Variants in ADGRB3 observed in about 807,000 individuals in gnomAD.
ADGRB3 encodes brain-specific angiogenesis inhibitor 3.
A neutral mutation model predicts 193.4 loss-of-function variants in ADGRB3; 37 were observed. That is an observed-to-expected ratio of 0.19 (90% confidence interval 0.15 to 0.25). ADGRB3 has a LOEUF of 0.25. ADGRB3 is among the 10% of genes least tolerant of loss of function. The probability of loss-of-function intolerance (pLI) is 1.00; values close to 1 mark genes in which losing one functional copy is unlikely to be tolerated. For synonymous variants in ADGRB3, 690 were observed against 644.2 expected (o/e 1.07, Z -1.08); for missense variants, 1,637 against 1,852.9 (o/e 0.88, Z 2.14).
At chr6:68,723,687 A>C (rs1765624387) in intron 3 of ADGRB3, among the ~76,000 whole-genome samples, 1 of 151,738 alleles carries the variant, frequency 6.6e-6, no homozygotes, top group South Asian at 2.1e-4. Flanking sequence ...AATACGACGT[A>C]TAGTTTCAAA....
chr6:69,372,106 G>T (rs947938534), intron 29 of ADGRB3, among the ~76,000 whole-genome samples: 5 of 151,906 alleles, frequency 3.3e-5, no homozygotes, highest in Admixed American at 3.3e-4. Context: ...GTTTTCATAG[G>T]AACATTTTCT....
At chr6:69,271,273 A>G (rs1767169683) in intron 20 of ADGRB3, among the ~76,000 whole-genome samples, 1 of 152,162 alleles carries the variant, frequency 6.6e-6, no homozygotes, top group Admixed American at 6.5e-5. Context: ...AGATGGATAT[A>G]TATAAGATAT....
At chr6:68,804,841 A>G (rs1232590209) in intron 3 of ADGRB3, among the ~76,000 whole-genome samples, 3 of 152,104 alleles carry the variant, frequency 2.0e-5, no homozygotes, top group Non-Finnish European at 4.4e-5. Context: ...AATTCAATTA[A>G]TGCTTGTTAG....
chr6:68,694,649 T>A (rs1765128571), intron 3 of ADGRB3, among the ~76,000 whole-genome samples: 2 of 151,992 alleles, frequency 1.3e-5, no homozygotes, highest in South Asian at 4.1e-4. Flanking sequence ...TCCCTTAAAC[T>A]CTGGTGCTCT....
chr6:68,705,582 A>G (rs926939900), intron 3 of ADGRB3, among the ~76,000 whole-genome samples: 2 of 152,200 alleles, frequency 1.3e-5, no homozygotes, highest in Non-Finnish European at 2.9e-5. Flanking sequence ...CACCTTCAGA[A>G]CCAGATGGAC....
chr6:69,275,735 G>A (rs1767288267), intron 20 of ADGRB3, among the ~76,000 whole-genome samples: 1 of 151,654 alleles, frequency 6.6e-6, no homozygotes, highest in Admixed American at 6.6e-5. Flanking sequence ...CCCAGTACTA[G>A]GTATAATTCT....
chr6:69,202,421 T>C (rs1031392828), intron 17 of ADGRB3, among the ~76,000 whole-genome samples: 1 of 152,130 alleles, frequency 6.6e-6, no homozygotes, highest in Non-Finnish European at 1.5e-5. Flanking sequence ...TTATTATAAA[T>C]TCTACATTCC....
intron 17 of ADGRB3, among the ~76,000 whole-genome samples, chr6:69,220,867 G>A (rs1487172735): frequency 6.6e-6 from 1 of 152,132 alleles, no homozygotes; most frequent in South Asian, 2.1e-4. Context: ...GAAATGGAAT[G>A]ATGCATTCTT....
chr6:68,880,897 G>T (rs986279833), intron 3 of ADGRB3, among the ~76,000 whole-genome samples: 1 of 151,908 alleles, frequency 6.6e-6, no homozygotes. Context: ...AAGAGGCCAA[G>T]GAATATAAAG....
intron 6 of ADGRB3, among the ~76,000 whole-genome samples, chr6:68,946,666 A>G (rs1767782590): frequency 1.3e-5 from 2 of 152,134 alleles, no homozygotes; most frequent in Admixed American, 1.3e-4. Context: ...CAGAAGAAAC[A>G]TGTAAAACCA....
chr6:69,305,469 A>G (rs1268746240), intron 20 of ADGRB3, among the ~76,000 whole-genome samples: 1 of 151,572 alleles, frequency 6.6e-6, no homozygotes, highest in Non-Finnish European at 1.5e-5. Context: ...CCCATCTGCT[A>G]TGAAGGAGAT....
intron 13 of ADGRB3, among the ~76,000 whole-genome samples, chr6:69,040,308 T>TCTTC (rs1554251206): frequency 3.6e-4 from 4 of 11,138 alleles, no homozygotes; most frequent in Non-Finnish European, 6.3e-4. Context: ...TTTCTCTGTC[T>TCTTC]CTTTCTTTCT....
intron 17 of ADGRB3, among the ~76,000 whole-genome samples, chr6:69,158,292 T>C (rs927975939): frequency 6.6e-6 from 1 of 152,100 alleles, no homozygotes; most frequent in Non-Finnish European, 1.5e-5. Context: ...TGTTAAATTG[T>C]ATTAAATAGC....
intron 17 of ADGRB3, among the ~76,000 whole-genome samples, chr6:69,095,885 A>G (rs1406072946): frequency 6.6e-6 from 1 of 152,180 alleles, no homozygotes; most frequent in East Asian, 1.9e-4. Context: ...AAATTTCTTC[A>G]TGTCCTAGGA....
At chr6:69,352,794 T>C (rs1157271568) in intron 26 of ADGRB3, among the ~76,000 whole-genome samples, 1 of 152,232 alleles carries the variant, frequency 6.6e-6, no homozygotes, top group Admixed American at 6.5e-5. Context: ...TTTTGTTTCC[T>C]GGCCAACAGG....
At chr6:68,814,864 A>G (rs1582223718) in intron 3 of ADGRB3, among the ~76,000 whole-genome samples, 1 of 152,184 alleles carries the variant, frequency 6.6e-6, no homozygotes, top group South Asian at 2.1e-4. Flanking sequence ...TCCAGCATAT[A>G]ATCAGAACCA....
chr6:68,988,712 C>A (rs1199292660), intron 10 of ADGRB3, among the ~76,000 whole-genome samples: 2 of 152,010 alleles, frequency 1.3e-5, no homozygotes, highest in Non-Finnish European at 2.9e-5. Context: ...AAGCTGAGGT[C>A]CTAAAGCCTT....
intron 8 of ADGRB3, 55 bp downstream of exon 8, chr6:68,956,864 A>G (rs1768091663): frequency 1.9e-6 from 3 of 1,575,948 alleles, no homozygotes; most frequent in Admixed American, 1.8e-5. Flanking sequence ...TGAAAAAAAA[A>G]AGATTTAAAA....
At chr6:69,281,933 T>C (rs1408831129) in intron 20 of ADGRB3, among the ~76,000 whole-genome samples, 4 of 152,096 alleles carry the variant, frequency 2.6e-5, no homozygotes, top group Non-Finnish European at 4.4e-5. Context: ...GTCATCCTGA[T>C]TTGGGCATGT....
Sources: gnomAD v4.1 joint callset for allele counts (sites outside exome capture counted in the v4.1 genomes callset) on GRCh38, gnomAD v4.1.1 for gene constraint, MANE v1.5 for transcripts, NCBI Gene and HGNC (gene_info 2026-07-23, HGNC 2026-07-21) for gene names.